Variants in PTPRD observed in about 807,000 individuals in gnomAD.
PTPRD encodes protein tyrosine phosphatase receptor type D.
In PTPRD, 34 loss-of-function variants were observed where a neutral mutation model predicts 214.5. That is an observed-to-expected ratio of 0.16 (90% CI 0.12 to 0.21). The LOEUF (loss-of-function observed/expected upper bound fraction) is 0.21, where lower values mean the gene tolerates loss of function less well. Ranked by LOEUF, PTPRD falls within the 10% of genes least tolerant of loss-of-function variation. The pLI, the probability that PTPRD is intolerant of heterozygous loss-of-function variation, is 1.00. For missense variants in PTPRD, 2,545 were observed against 2,398.7 expected (o/e 1.06, Z -1.27); for synonymous variants, 1,128 against 845.7 (o/e 1.33, Z -5.79).
chr9:10,343,584 G>A (rs1021009008), intron 2 of PTPRD, among the ~76,000 whole-genome samples: 24 of 152,084 alleles, frequency 1.6e-4, no homozygotes, highest in Admixed American at 2.6e-4. Flanking sequence ...CTAATTTACA[G>A]TCCCACCAAC....
At chr9:8,452,972 C>A (rs1322635304) in intron 33 of PTPRD, among the ~76,000 whole-genome samples, 6 of 152,136 alleles carry the variant, frequency 3.9e-5, no homozygotes, top group Non-Finnish European at 8.8e-5. Context: ...TCAAGTAAAT[C>A]AATCAAAATA....
intron 4 of PTPRD, among the ~76,000 whole-genome samples, chr9:9,980,206 G>C (rs775090642): frequency 6.6e-6 from 1 of 151,952 alleles, no homozygotes; most frequent in African/African-American, 2.4e-5. Flanking sequence ...ACAGATTACC[G>C]TAGTAGAAAG....
intron 12 of PTPRD, among the ~76,000 whole-genome samples, chr9:8,688,833 T>C (rs2097747266): frequency 6.6e-6 from 1 of 152,200 alleles, no homozygotes; most frequent in Non-Finnish European, 1.5e-5. Flanking sequence ...TTCTCATCCA[T>C]GAAAAACGAA....
chr9:10,207,823 G>T (rs532519), intron 3 of PTPRD, among the ~76,000 whole-genome samples: 6 of 151,612 alleles, frequency 4.0e-5, no homozygotes, highest in African/African-American at 1.2e-4. Flanking sequence ...CTATTAAAAA[G>T]TGTTATATCT....
chr9:10,464,283 T>C (rs996978520), intron 2 of PTPRD, among the ~76,000 whole-genome samples: 6 of 151,972 alleles, frequency 3.9e-5, no homozygotes, highest in African/African-American at 1.4e-4. Flanking sequence ...AAGCTGGGCA[T>C]GGCACTAGAA....
intron 2 of PTPRD, among the ~76,000 whole-genome samples, chr9:10,453,810 T>C (rs2098874735): frequency 6.6e-6 from 1 of 151,646 alleles, no homozygotes; most frequent in African/African-American, 2.4e-5. Context: ...TGCCTAATTG[T>C]TGTTTAGGAT....
At chr9:9,149,196 G>C (rs7859579) in intron 10 of PTPRD, among the ~76,000 whole-genome samples, 10,855 of 152,156 alleles carry the variant, frequency 0.071, 612 homozygotes, top group African/African-American at 0.14. Flanking sequence ...ATCAGATAAA[G>C]AATAATAACA....
chr9:9,817,098 A>G (rs2049019476), intron 5 of PTPRD, among the ~76,000 whole-genome samples: 1 of 152,156 alleles, frequency 6.6e-6, no homozygotes, highest in South Asian at 2.1e-4. Context: ...TAGGCAAGCT[A>G]AGATTGCTTT....
intron 11 of PTPRD, among the ~76,000 whole-genome samples, chr9:8,952,480 A>T (rs1259775114): frequency 6.6e-6 from 1 of 151,988 alleles, no homozygotes; most frequent in Non-Finnish European, 1.5e-5. Context: ...TGTTGGGCTG[A>T]TTTTAACATG....
rs564517784 is a variant in PTPRD, at chr9:8,613,000, C to T, written c.352+20317G>A. 2.6e-5 allele frequency among the ~76,000 whole-genome samples: 4 copies of T among 152,228 alleles called. No homozygotes were observed. In the South Asian group the frequency reaches 8.3e-4, roughly 32 times the overall value. ...ACAAAAAGGAAAGGATTATTAATAA[C>T]ACCAGTAGTTAGTACTTTCATGTGT... On this transcript the variant is annotated intron_variant, in intron 14 of 45. Coordinates refer to ENST00000381196, the MANE Select transcript of PTPRD (RefSeq NM_002839.4).
chr9:8,643,628 G>T (rs948454289), intron 12 of PTPRD, among the ~76,000 whole-genome samples: 3 of 152,224 alleles, frequency 2.0e-5, no homozygotes, highest in African/African-American at 7.2e-5. Context: ...TGCCACCACT[G>T]CTCGCAGCTC....
intron 3 of PTPRD, among the ~76,000 whole-genome samples, chr9:10,173,718 C>A (rs2099226964): frequency 6.6e-6 from 1 of 151,802 alleles, no homozygotes; most frequent in Non-Finnish European, 1.5e-5. Flanking sequence ...CATAGGGATG[C>A]ATGTGCTTGT....
Position 9,475,963 on chromosome 9 carries a change from A to G in PTPRD, c.-236-78481T>C, listed in dbSNP as rs553955211. Among the ~76,000 whole-genome samples the G allele has an allele frequency of 2.6e-5, 4 of 152,256 alleles. No homozygotes were observed. In the South Asian group the frequency reaches 8.3e-4, roughly 32 times the overall value. ...GATTATCATCACTTCTTAAATTAAA[A>G]TCTTAGGTAGAACTCCACTACATTA... On this transcript the variant is annotated intron_variant, in intron 8 of 45. Transcript: ENST00000381196.
rs1282586996 is a variant in PTPRD, at chr9:9,969,082, G to C, written c.-471-30472C>G. ...TAAAACCATTGTGCCACAGTCTTTG[G>C]TCCTACGAAAGCATGTGACACGTCC... On this transcript the variant is annotated intron_variant, in intron 4 of 45. Coordinates refer to ENST00000381196, the MANE Select transcript of PTPRD (RefSeq NM_002839.4). Among the ~76,000 whole-genome samples the C allele has an allele frequency of 3.3e-5, 5 of 152,246 alleles. No homozygotes were observed. The East Asian group carries it at 9.7e-4, about 30-fold the overall frequency.
At chr9:8,528,550 A>T (rs1189913685) in intron 15 of PTPRD, 41 bp downstream of exon 15, 1 of 1,540,348 alleles carries the variant, frequency 6.5e-7, no homozygotes, top group South Asian at 1.3e-5. Flanking sequence ...TTAAAAAAAA[A>T]AATTCTCTAG....
chr9:9,897,894 C>A (rs184450854), intron 5 of PTPRD, among the ~76,000 whole-genome samples: 1 of 152,002 alleles, frequency 6.6e-6, no homozygotes, highest in East Asian at 1.9e-4. Flanking sequence ...CTTCACAGGT[C>A]AGACGGTCTC....
intron 9 of PTPRD, among the ~76,000 whole-genome samples, chr9:9,239,885 G>A (rs986818505): frequency 6.6e-6 from 1 of 152,120 alleles, no homozygotes; most frequent in African/African-American, 2.4e-5. Context: ...GCCATTTGCA[G>A]GCACACTGGG....
chr9:8,843,414 C>A (rs185045334), intron 11 of PTPRD, among the ~76,000 whole-genome samples: 17 of 152,296 alleles, frequency 1.1e-4, no homozygotes, highest in Admixed American at 1.0e-3. Flanking sequence ...GATTTTATTA[C>A]ATCTGTAACC....
Position 9,330,783 on chromosome 9 carries a change from T to C in PTPRD, c.-203+66666A>G, listed in dbSNP as rs1282303272. Reference sequence around the variant, plus strand: ...TTAGGGGAATAAGTGAAATTATCTATAATATAAATATTGAAAAGTACTAAT... The same window carrying C: ...TTAGGGGAATAAGTGAAATTATCTACAATATAAATATTGAAAAGTACTAAT... On this transcript the variant is annotated intron_variant, in intron 9 of 45. Transcript: ENST00000381196. 2.6e-5 allele frequency among the ~76,000 whole-genome samples: 4 copies of C among 151,872 alleles called. No homozygotes were observed. In the East Asian group the frequency reaches 7.7e-4, roughly 29 times the overall value.
Sources: gnomAD v4.1 joint callset for allele counts (sites outside exome capture counted in the v4.1 genomes callset) on GRCh38, gnomAD v4.1.1 for gene constraint, MANE v1.5 for transcripts, NCBI Gene and HGNC (gene_info 2026-07-23, HGNC 2026-07-21) for gene names.